The following HUNK variants were observed in gnomAD, a reference collection of about 807,000 sequenced individuals.
HUNK encodes hormonally up-regulated neu tumor-associated kinase.
Under a neutral mutation model 61.0 loss-of-function variants are expected in HUNK, and 21 were observed. That is an observed-to-expected ratio of 0.34 (90% CI 0.24 to 0.50). The LOEUF (loss-of-function observed/expected upper bound fraction) is 0.50. Among genes scored for constraint, HUNK ranks in the 20% least tolerant of loss-of-function variants. The pLI is 0.98. For missense variants in HUNK, 772 were observed against 945.7 expected, an observed-to-expected ratio of 0.82 and a Z score of 2.41; for synonymous variants, 371 against 386.1, an observed-to-expected ratio of 0.96 and a Z score of 0.46.
At chr21:31,958,730 G>A (rs1300186790) in intron 4 of HUNK, 113 bp from the exon 5 acceptor site, 2 of 991,864 alleles carry the variant, frequency 2.0e-6, no homozygotes, top group African/African-American at 3.2e-5. Flanking sequence ...AAGAGGGCCT[G>A]TTGAGGTTGG....
intron 1 of HUNK, among the ~76,000 whole-genome samples, chr21:31,903,026 G>C (rs2052479883): frequency 6.6e-6 from 1 of 151,190 alleles, no homozygotes; most frequent in East Asian, 1.9e-4. Context: ...GCGGGAGAGA[G>C]GTGGAATTTG....
chr21:31,965,417 A>G (rs1357902679), intron 5 of HUNK, among the ~76,000 whole-genome samples: 4 of 151,934 alleles, frequency 2.6e-5, no homozygotes, highest in Non-Finnish European at 2.9e-5. Context: ...GAGTTTACCT[A>G]TATAACAAAC....
chr21:31,926,922 T>A (rs1246882185), intron 2 of HUNK, among the ~76,000 whole-genome samples: 1 of 152,176 alleles, frequency 6.6e-6, no homozygotes, highest in Non-Finnish European at 1.5e-5. Flanking sequence ...ATTTTAATAA[T>A]GATAATCTAG....
At chr21:31,932,255 T>C (rs1330719677) in intron 2 of HUNK, among the ~76,000 whole-genome samples, 1 of 152,194 alleles carries the variant, frequency 6.6e-6, no homozygotes, top group Non-Finnish European at 1.5e-5. Context: ...TCCACAGGGT[T>C]GGAGCAGCTG....
At chr21:31,961,608 C>T (rs923680961) in intron 5 of HUNK, among the ~76,000 whole-genome samples, 1 of 152,156 alleles carries the variant, frequency 6.6e-6, no homozygotes, top group Non-Finnish European at 1.5e-5. Flanking sequence ...AATAATATCT[C>T]ATTGCAGTAC....
At chr21:31,907,527 C>T (rs13052930) in intron 1 of HUNK, among the ~76,000 whole-genome samples, 27,415 of 152,066 alleles carry the variant, frequency 0.18, 2,798 homozygotes, top group South Asian at 0.24. Context: ...TCAGAGGTAC[C>T]GGTTGTTCCC....
At chr21:31,885,829 G>A (rs933463052) in intron 1 of HUNK, among the ~76,000 whole-genome samples, 9 of 152,126 alleles carry the variant, frequency 5.9e-5, no homozygotes, top group African/African-American at 1.9e-4. Context: ...CTGCCTCCCA[G>A]GTTCAAGCGA....
At chr21:31,929,851 T>C (rs990963568) in intron 2 of HUNK, among the ~76,000 whole-genome samples, 1 of 152,238 alleles carries the variant, frequency 6.6e-6, no homozygotes, top group African/African-American at 2.4e-5. Context: ...GAGGCCCTTC[T>C]TTGTTCTTTT....
intron 7 of HUNK, among the ~76,000 whole-genome samples, chr21:31,975,383 T>A (rs560407826): frequency 6.6e-6 from 1 of 152,172 alleles, no homozygotes; most frequent in Non-Finnish European, 1.5e-5. Flanking sequence ...TTAAATTGTC[T>A]CTCTCCAAAT....
intron 5 of HUNK, among the ~76,000 whole-genome samples, chr21:31,966,862 G>A (rs771182803): frequency 4.6e-5 from 7 of 152,124 alleles, no homozygotes; most frequent in Non-Finnish European, 7.4e-5. Context: ...ACAAAGCTAC[G>A]TAAAAGAATT....
chr21:31,885,411 G>A (rs756507834), intron 1 of HUNK, among the ~76,000 whole-genome samples: 36 of 152,202 alleles, frequency 2.4e-4, no homozygotes, highest in Non-Finnish European at 3.8e-4. Context: ...CCTGACGACC[G>A]TCTCTGAATG....
intron 1 of HUNK, among the ~76,000 whole-genome samples, chr21:31,899,600 C>T (rs1163796360): frequency 1.3e-5 from 2 of 152,194 alleles, no homozygotes; most frequent in African/African-American, 4.8e-5. Context: ...TTCAATGTAT[C>T]TTTATGGGAA....
At chr21:31,912,919 C>G (rs959516492) in intron 1 of HUNK, among the ~76,000 whole-genome samples, 3 of 152,224 alleles carry the variant, frequency 2.0e-5, no homozygotes, top group Non-Finnish European at 4.4e-5. Flanking sequence ...AGGCACTGGT[C>G]TGCCTACATT....
intron 6 of HUNK, among the ~76,000 whole-genome samples, chr21:31,968,676 A>G (rs1406868723): frequency 1.3e-5 from 2 of 151,166 alleles, no homozygotes; most frequent in African/African-American, 2.4e-5. Context: ...GCCTTTTTCT[A>G]GTTCACACAG....
intron 2 of HUNK, among the ~76,000 whole-genome samples, chr21:31,926,287 A>G (rs1044117214): frequency 6.6e-6 from 1 of 152,208 alleles, no homozygotes; most frequent in Non-Finnish European, 1.5e-5. Context: ...ATGTGTGTGT[A>G]TATATATAAA....
chr21:31,944,275 C>T (rs1039322777), intron 3 of HUNK, among the ~76,000 whole-genome samples: 14 of 152,234 alleles, frequency 9.2e-5, no homozygotes, highest in African/African-American at 1.7e-4. Flanking sequence ...GACAGGGTTT[C>T]GCCATGTTGC....
intron 6 of HUNK, among the ~76,000 whole-genome samples, chr21:31,969,412 G>T (rs1178061442): frequency 1.3e-5 from 2 of 152,152 alleles, no homozygotes; most frequent in South Asian, 4.1e-4. Flanking sequence ...TGAACTTTCC[G>T]TGAAGGCTTC....
chr21:31,907,765 G>A (rs1277921022), intron 1 of HUNK, among the ~76,000 whole-genome samples: 3 of 152,112 alleles, frequency 2.0e-5, no homozygotes, highest in South Asian at 2.1e-4. Context: ...CGAGGCAGGC[G>A]GATCACTTGA....
At chr21:31,890,379 C>T (rs928596718) in intron 1 of HUNK, among the ~76,000 whole-genome samples, 2 of 152,156 alleles carry the variant, frequency 1.3e-5, no homozygotes, top group Non-Finnish European at 2.9e-5. Flanking sequence ...CAGGCACCCA[C>T]CTCCGTGCCC....
Sources: allele counts gnomAD v4.1 joint callset (sites outside exome capture counted in the v4.1 genomes callset), GRCh38; gene constraint gnomAD v4.1.1; transcripts MANE v1.5; gene names NCBI Gene and HGNC (gene_info 2026-07-23, HGNC 2026-07-21).